EXT1: variants seen among roughly 807,000 people sequenced by gnomAD.
The protein encoded by EXT1 is exostosin-1.
In EXT1, 20 loss-of-function variants were observed where a neutral mutation model predicts 82.5. The observed-to-expected ratio is 0.24, with a 90% confidence interval of 0.17 to 0.35. The LOEUF is 0.35. Ranked by LOEUF, EXT1 falls within the 10% of genes least tolerant of loss-of-function variation. The pLI is 1.00. For missense variants in EXT1, 757 were observed against 936.5 expected (o/e 0.81, Z 2.50); for synonymous variants, 348 against 350.8 (o/e 0.99, Z 0.09).
intron 1 of EXT1, among the ~76,000 whole-genome samples, chr8:118,097,164 G>A (rs543423253): frequency 5.3e-5 from 8 of 152,104 alleles, no homozygotes; most frequent in South Asian, 2.1e-4. Flanking sequence ...AACTTCGGCC[G>A]GCTGGGTGCA....
At chr8:118,007,475 A>C (rs1329451067) in intron 1 of EXT1, among the ~76,000 whole-genome samples, 1 of 152,218 alleles carries the variant, frequency 6.6e-6, no homozygotes, top group Non-Finnish European at 1.5e-5. Context: ...CCTTTCAAGG[A>C]AAATGCATCA....
intron 1 of EXT1, among the ~76,000 whole-genome samples, chr8:117,933,131 T>C (rs1228622371): frequency 2.6e-5 from 4 of 152,204 alleles, no homozygotes; most frequent in Non-Finnish European, 5.9e-5. Context: ...AAAGTCTCTC[T>C]TGAAGAGGTC....
chr8:117,819,480 C>A (rs1811884823), intron 6 of EXT1, among the ~76,000 whole-genome samples, 196 bp downstream of exon 6: 1 of 152,186 alleles, frequency 6.6e-6, no homozygotes, highest in Non-Finnish European at 1.5e-5. Flanking sequence ...CTTCCCTGTG[C>A]AGATTTCACT....
At chr8:118,064,185 TC>T (rs1816935411) in intron 1 of EXT1, among the ~76,000 whole-genome samples, 1 of 152,118 alleles carries the variant, frequency 6.6e-6, no homozygotes, top group African/African-American at 2.4e-5. Context: ...TTTTTCTTTT[TC>T]TTTTTTTTAA....
chr8:117,969,024 T>A (rs929032972), intron 1 of EXT1, among the ~76,000 whole-genome samples: 13 of 152,172 alleles, frequency 8.5e-5, no homozygotes, highest in African/African-American at 3.1e-4. Context: ...GCAGACCCAG[T>A]CCAGAGGAGT....
intron 5 of EXT1, 126 bp downstream of exon 5, chr8:117,822,339 T>C: frequency 9.1e-7 from 1 of 1,097,632 alleles, no homozygotes; most frequent in Non-Finnish European, 1.4e-6. Flanking sequence ...AACAAGGCTC[T>C]AGAAAAAGCA....
chr8:117,975,059 A>T (rs1312616787), intron 1 of EXT1, among the ~76,000 whole-genome samples: 1 of 152,224 alleles, frequency 6.6e-6, no homozygotes, highest in East Asian at 1.9e-4. Context: ...ACTTATTCCA[A>T]CGATAAGTGC....
chr8:117,884,411 G>A (rs1813112588), intron 1 of EXT1, among the ~76,000 whole-genome samples: 2 of 152,188 alleles, frequency 1.3e-5, no homozygotes, highest in Admixed American at 1.3e-4. Flanking sequence ...AAAGTCTGCA[G>A]CCACTTGGAG....
At chr8:118,105,514 C>T (rs1817791029) in intron 1 of EXT1, among the ~76,000 whole-genome samples, 1 of 152,034 alleles carries the variant, frequency 6.6e-6, no homozygotes, top group Non-Finnish European at 1.5e-5. Flanking sequence ...CTCAGGGATT[C>T]CTTGTGATTG....
At position 117,822,505 on chromosome 8, in the gene EXT1, T is replaced by C. The variant is rs1254484475; in HGVS notation, c.1377A>G (p.Ser459=). ...AGTAAGGAAAATCTCCCAGATAAGA[T>C]GAATACTGTGGTAGTACGAACAATC... is the stretch of plus-strand genomic sequence containing the variant. ...PGGLFVLPQY[S]SYLGDFPYYY... The change falls in exon 5 of 11, where the codon TCA becomes TCG. Residue 459 remains serine, a synonymous_variant. Transcript: ENST00000378204. 1 of 1,613,526 alleles carries C rather than the reference T, an allele frequency of 6.2e-7. No individual in the cohort carries two copies. Among genetic ancestry groups the C allele is most frequent in the Admixed American group, 1.7e-5 (1 of 60,024 alleles).
In EXT1 at chr8:117,820,996, C is replaced by G. The variant is rs111964140; in HGVS notation, c.1418-1202G>C. ...GAGACAGAAGTGAGATGGCTTCCCC[C>G]CAAGGAGTTTTCCCATAAGAACTCA... On this transcript the variant is annotated intron_variant, in intron 5 of 10. Coordinates refer to ENST00000378204, the MANE Select transcript of EXT1 (RefSeq NM_000127.3). Among the ~76,000 whole-genome samples the G allele has an allele frequency of 1.8e-4, 28 of 152,244 alleles. No homozygotes were observed. In the South Asian group the frequency reaches 2.3e-3, roughly 12 times the overall value.
chr8:118,040,059 G>A (rs1816501281), intron 1 of EXT1, among the ~76,000 whole-genome samples: 1 of 152,144 alleles, frequency 6.6e-6, no homozygotes, highest in Admixed American at 6.5e-5. Context: ...AATCTCAAAT[G>A]AGAAGCAGAA....
chr8:117,999,778 AC>A (rs1815621237), intron 1 of EXT1, among the ~76,000 whole-genome samples: 1 of 152,182 alleles, frequency 6.6e-6, no homozygotes, highest in Admixed American at 6.5e-5. Context: ...TCAATAGTTC[AC>A]AAAAAAAGTT....
intron 1 of EXT1, among the ~76,000 whole-genome samples, chr8:117,960,181 A>G (rs1488797433): frequency 4.6e-5 from 7 of 152,210 alleles, no homozygotes; most frequent in African/African-American, 1.4e-4. Flanking sequence ...ACTGCACTCC[A>G]GCCTGGGTGA....
At chr8:117,852,778 C>G (rs1417954371) in intron 1 of EXT1, among the ~76,000 whole-genome samples, 2 of 152,206 alleles carry the variant, frequency 1.3e-5, no homozygotes, top group Non-Finnish European at 2.9e-5. Flanking sequence ...TACGTACCCA[C>G]TAAGCACCAG....
intron 1 of EXT1, among the ~76,000 whole-genome samples, chr8:117,915,520 A>G (rs1234990181): frequency 6.6e-6 from 1 of 152,214 alleles, no homozygotes; most frequent in Non-Finnish European, 1.5e-5. Context: ...AAAAAAATCA[A>G]AATATTTATT....
chr8:117,948,187 T>C (rs537669035), intron 1 of EXT1, among the ~76,000 whole-genome samples: 3 of 152,002 alleles, frequency 2.0e-5, no homozygotes, highest in Admixed American at 2.0e-4. Context: ...TACATTATAG[T>C]AAGAAGAGAT....
chr8:117,979,905 C>A (rs1815150606), intron 1 of EXT1, among the ~76,000 whole-genome samples: 4 of 152,172 alleles, frequency 2.6e-5, no homozygotes. Context: ...TATGTCTGCT[C>A]CCCCAATATT....
intron 8 of EXT1, among the ~76,000 whole-genome samples, chr8:117,810,096 G>A (rs1471143272): frequency 2.0e-5 from 3 of 152,218 alleles, no homozygotes; most frequent in Non-Finnish European, 2.9e-5. Context: ...GAAGGCAAAG[G>A]TCAGTTTAAG....
Sources: gnomAD v4.1 joint callset for allele counts (sites outside exome capture counted in the v4.1 genomes callset) on GRCh38, gnomAD v4.1.1 for gene constraint, MANE v1.5 for transcripts, NCBI Gene and HGNC (gene_info 2026-07-23, HGNC 2026-07-21) for gene names.